Variants in PRKG1 observed in about 807,000 individuals in gnomAD.
PRKG1 encodes protein kinase cGMP-dependent 1, also known as cGMP-dependent protein kinase 1.
Under a neutral mutation model 88.1 loss-of-function variants are expected in PRKG1, and 35 were observed. That is an observed-to-expected ratio of 0.40 (90% confidence interval 0.30 to 0.53). The LOEUF is 0.53. Ranked by LOEUF, PRKG1 falls within the 20% of genes least tolerant of loss-of-function variation. PRKG1 has a pLI of 0.59. For synonymous variants in PRKG1, 303 were observed against 292.5 expected (o/e 1.04, Z -0.37); for missense variants, 540 against 839.8 (o/e 0.64, Z 4.41).
At chr10:51,628,821 C>G (rs1049589087) in intron 3 of PRKG1, among the ~76,000 whole-genome samples, 1 of 151,450 alleles carries the variant, frequency 6.6e-6, no homozygotes, top group African/African-American at 2.4e-5. Context: ...TAGCCGGGCG[C>G]GGTGGCGGGC....
chr10:51,222,365 T>G (rs972624599), intron 2 of PRKG1, among the ~76,000 whole-genome samples: 1 of 152,142 alleles, frequency 6.6e-6, no homozygotes, highest in African/African-American at 2.4e-5. Flanking sequence ...GATTTCCAAG[T>G]AGAACATTAA....
chr10:51,651,642 G>A (rs1483035182), intron 3 of PRKG1, among the ~76,000 whole-genome samples: 1 of 150,714 alleles, frequency 6.6e-6, no homozygotes, highest in African/African-American at 2.4e-5. Flanking sequence ...GGAGTACAGT[G>A]GCGCCATCCT....
intron 2 of PRKG1, among the ~76,000 whole-genome samples, chr10:51,271,791 C>A (rs1839986578): frequency 6.6e-6 from 1 of 152,140 alleles, no homozygotes; most frequent in African/African-American, 2.4e-5. Flanking sequence ...TGTATATGTA[C>A]CACATTTTCT....
At chr10:51,387,504 G>C (rs1837284365) in intron 2 of PRKG1, among the ~76,000 whole-genome samples, 1 of 151,854 alleles carries the variant, frequency 6.6e-6, no homozygotes, top group Non-Finnish European at 1.5e-5. Flanking sequence ...TTTTAGAGAT[G>C]AATTCTCCCA....
intron 2 of PRKG1, among the ~76,000 whole-genome samples, chr10:51,374,217 C>T (rs1842770199): frequency 6.6e-6 from 1 of 151,122 alleles, no homozygotes; most frequent in South Asian, 2.1e-4. Context: ...CGTATTTCTC[C>T]TAATGCAGTC....
chr10:51,342,944 A>T lies in PRKG1; in HGVS notation c.479-124779A>T, dbSNP rs74131618. On this transcript the variant is annotated intron_variant, in intron 2 of 17. Coordinates refer to ENST00000373980, the MANE Select transcript of PRKG1 (RefSeq NM_006258.4). ...GGTTCATCCATGAGAAATGTGAAAAACAAAAAGAAAACACACATTACCCTA... is the reference window on the plus strand; with the variant it reads ...GGTTCATCCATGAGAAATGTGAAAATCAAAAAGAAAACACACATTACCCTA... 8.2e-3 allele frequency among the ~76,000 whole-genome samples: 1,242 copies of T among 152,328 alleles called. 15 individuals carry two copies. The highest frequency in any genetic ancestry group is 0.029 in the African/African-American group (1,188 of 41,566).
intron 2 of PRKG1, among the ~76,000 whole-genome samples, chr10:51,408,097 C>T (rs1227456521): frequency 6.6e-6 from 1 of 152,134 alleles, no homozygotes; most frequent in Non-Finnish European, 1.5e-5. Flanking sequence ...GTAAGTGGTG[C>T]CACTTCCACT....
In PRKG1 at chr10:51,525,392, C is replaced by T. The variant is rs986005017; in HGVS notation, c.592+57556C>T. On this transcript the variant is annotated intron_variant, in intron 3 of 17. Coordinates refer to ENST00000373980, the MANE Select transcript of PRKG1 (RefSeq NM_006258.4). ...TCCCTTGCACTTCAAAATAATATGGCGTGCATGCAATAAATAAGAAATGCA... is the reference window on the plus strand; with the variant it reads ...TCCCTTGCACTTCAAAATAATATGGTGTGCATGCAATAAATAAGAAATGCA... Among the ~76,000 whole-genome samples, 15 of 152,148 alleles carry T rather than the reference C, an allele frequency of 9.9e-5. No homozygotes were observed. The East Asian group carries it at 1.2e-3, about 12-fold the overall frequency.
At chr10:51,882,634 G>A (rs1431816497) in intron 4 of PRKG1, among the ~76,000 whole-genome samples, 2 of 152,124 alleles carry the variant, frequency 1.3e-5, no homozygotes, top group African/African-American at 4.8e-5. Flanking sequence ...CTATCCCTAG[G>A]ATGAATCTGA....
At chr10:51,845,181 G>C (rs1297638656) in intron 4 of PRKG1, among the ~76,000 whole-genome samples, 2 of 152,032 alleles carry the variant, frequency 1.3e-5, no homozygotes, top group African/African-American at 4.8e-5. Context: ...CTTTCCCCAA[G>C]ATAACGTATG....
chr10:51,989,990 CT>C (rs1322231732), intron 5 of PRKG1, among the ~76,000 whole-genome samples: 3 of 150,836 alleles, frequency 2.0e-5, no homozygotes, highest in African/African-American at 2.4e-5. Flanking sequence ...TGAGTTAATA[CT>C]TTTTTTTTAG....
chr10:51,627,970 C>T (rs1235679287), intron 3 of PRKG1, among the ~76,000 whole-genome samples: 1 of 86,360 alleles, frequency 1.2e-5, no homozygotes, highest in African/African-American at 4.2e-5. Flanking sequence ...TTCTTTCTTT[C>T]TCTTTCTTTC....
intron 1 of PRKG1, among the ~76,000 whole-genome samples, chr10:51,009,281 CTAATT>C (rs1403936971): frequency 6.6e-6 from 1 of 152,128 alleles, no homozygotes; most frequent in Non-Finnish European, 1.5e-5. Flanking sequence ...ATTTATCTAA[CTAATT>C]TAGAAAAGCT....
At chr10:51,519,110 T>A (rs1362446881) in intron 3 of PRKG1, among the ~76,000 whole-genome samples, 1 of 152,176 alleles carries the variant, frequency 6.6e-6, no homozygotes, top group Non-Finnish European at 1.5e-5. Context: ...TCATTCAACT[T>A]GAAGAAACAC....
chr10:51,991,728 G>T (rs994449581), intron 5 of PRKG1, among the ~76,000 whole-genome samples: 17 of 152,288 alleles, frequency 1.1e-4, no homozygotes, highest in Admixed American at 9.8e-4. Flanking sequence ...TTTTATGGCT[G>T]CATAGTATTC....
At chr10:51,535,814 C>G (rs763783863) in intron 3 of PRKG1, among the ~76,000 whole-genome samples, 2 of 151,416 alleles carry the variant, frequency 1.3e-5, no homozygotes, top group African/African-American at 2.4e-5. Flanking sequence ...AACTCCGCCT[C>G]CCGGTTCAAG....
chr10:51,993,479 C>T (rs1198923591), intron 5 of PRKG1, among the ~76,000 whole-genome samples: 4 of 152,102 alleles, frequency 2.6e-5, no homozygotes, highest in Admixed American at 6.5e-5. Context: ...TATTACAATC[C>T]TATGAGTAGG....
intron 2 of PRKG1, among the ~76,000 whole-genome samples, chr10:51,258,716 C>T (rs1839628200): frequency 6.6e-6 from 1 of 152,236 alleles, no homozygotes; most frequent in Non-Finnish European, 1.5e-5. Context: ...AGGACCATTA[C>T]TGGCATATAG....
At chr10:52,049,209 A>G (rs1845931138) in intron 5 of PRKG1, among the ~76,000 whole-genome samples, 1 of 152,138 alleles carries the variant, frequency 6.6e-6, no homozygotes, top group Admixed American at 6.6e-5. Context: ...CGGAGTGCAC[A>G]CTGGTAAGAT....
Sources: allele counts gnomAD v4.1 joint callset (sites outside exome capture counted in the v4.1 genomes callset), GRCh38; gene constraint gnomAD v4.1.1; transcripts MANE v1.5; gene names NCBI Gene and HGNC (gene_info 2026-07-23, HGNC 2026-07-21).